The following KCND2 variants were observed in gnomAD, a reference collection of about 807,000 sequenced individuals.
The protein encoded by KCND2 is A-type voltage-gated potassium channel KCND2.
In KCND2, 16 loss-of-function variants were observed where a neutral mutation model predicts 54.4. That is an observed-to-expected ratio of 0.29 (90% confidence interval 0.20 to 0.45). KCND2 has a LOEUF of 0.45. Ranked by LOEUF, KCND2 falls within the 20% of genes least tolerant of loss-of-function variation. KCND2 has a pLI of 1.00. For synonymous variants in KCND2, 317 were observed against 310.7 expected (o/e 1.02, Z -0.21); for missense variants, 486 against 824.2 (o/e 0.59, Z 5.02).
intron 1 of KCND2, among the ~76,000 whole-genome samples, chr7:120,678,503 A>G (rs1792097563): frequency 6.8e-6 from 1 of 147,760 alleles, no homozygotes; most frequent in African/African-American, 2.5e-5. Flanking sequence ...ATACATATAA[A>G]TATTACATAT....
intron 1 of KCND2, among the ~76,000 whole-genome samples, chr7:120,712,988 C>T (rs142661668): frequency 6.5e-4 from 99 of 152,266 alleles, no homozygotes; most frequent in Non-Finnish European, 1.0e-3. Flanking sequence ...GTCATGCCCA[C>T]GTAGCCCTTG....
At chr7:120,633,356 C>G (rs988820666) in intron 1 of KCND2, among the ~76,000 whole-genome samples, 5 of 152,066 alleles carry the variant, frequency 3.3e-5, no homozygotes, top group African/African-American at 1.2e-4. Context: ...AAACACATTT[C>G]AAGAATGGAC....
chr7:120,591,798 T>C (rs1310697265), intron 1 of KCND2, among the ~76,000 whole-genome samples: 1 of 152,212 alleles, frequency 6.6e-6, no homozygotes, highest in Non-Finnish European at 1.5e-5. Context: ...CAAGTAAAAG[T>C]GTGGTACTTG....
intron 1 of KCND2, among the ~76,000 whole-genome samples, chr7:120,310,669 C>T (rs80317334): frequency 0.037 from 5,596 of 151,980 alleles, 163 homozygotes; most frequent in South Asian, 0.093. Flanking sequence ...TGTGGTGGCT[C>T]ACGTGGTGGC....
At chr7:120,735,560 T>C (rs779738837) in intron 2 of KCND2, among the ~76,000 whole-genome samples, 11 of 152,074 alleles carry the variant, frequency 7.2e-5, no homozygotes, top group Non-Finnish European at 1.5e-4. Flanking sequence ...AAGAAATCAA[T>C]AAAGAAAACC....
intron 1 of KCND2, among the ~76,000 whole-genome samples, chr7:120,343,584 G>A (rs760475288): frequency 1.3e-5 from 2 of 152,184 alleles, no homozygotes; most frequent in Non-Finnish European, 2.9e-5. Context: ...TATGCAGATA[G>A]CAAAGGTAAG....
chr7:120,705,323 C>T (rs1471437948), intron 1 of KCND2, among the ~76,000 whole-genome samples: 2 of 152,062 alleles, frequency 1.3e-5, no homozygotes, highest in South Asian at 2.1e-4. Flanking sequence ...ATCATGTGCT[C>T]AATATGATGT....
intron 3 of KCND2, 176 bp from the exon 4 acceptor site, chr7:120,742,334 A>G (rs1792952160): frequency 1.6e-6 from 1 of 620,298 alleles, no homozygotes; most frequent in Non-Finnish European, 2.9e-6. Flanking sequence ...CATTTGATGA[A>G]ATTGTAAATG....
Position 120,288,410 on chromosome 7 carries a change from G to C in KCND2, c.1115+12663G>C, listed in dbSNP as rs183573340. ...AAGATAATTTTTAATCACATGTAAG[G>C]GATTTCAAATGTGCAGGACCTAAAG... On this transcript the variant is annotated intron_variant, in intron 1 of 5. Transcript: ENST00000331113. Among the ~76,000 whole-genome samples the C allele has an allele frequency of 3.6e-3, 547 of 152,104 alleles. 6 individuals carry two copies. Among genetic ancestry groups the C allele is most frequent in the Middle Eastern group, 0.024 (7 of 294 alleles).
chr7:120,278,562 T>C (rs2116250389), intron 1 of KCND2, among the ~76,000 whole-genome samples: 1 of 151,550 alleles, frequency 6.6e-6, no homozygotes, highest in East Asian at 1.9e-4. Flanking sequence ...AGCTTTGTCA[T>C]TCAGGACTGG....
At chr7:120,588,657 G>GAACA (rs1411490258) in intron 1 of KCND2, among the ~76,000 whole-genome samples, 5 of 152,074 alleles carry the variant, frequency 3.3e-5, no homozygotes, top group Non-Finnish European at 5.9e-5. Context: ...TGGGCTAAGG[G>GAACA]AACACAAGCT....
intron 1 of KCND2, among the ~76,000 whole-genome samples, chr7:120,627,188 G>A (rs1427781574): frequency 7.0e-6 from 1 of 142,248 alleles, no homozygotes; most frequent in Non-Finnish European, 1.5e-5. Flanking sequence ...GTCCAGCATT[G>A]TGCTCGTCGT....
At chr7:120,618,277 C>A (rs1419158649) in intron 1 of KCND2, among the ~76,000 whole-genome samples, 4 of 149,350 alleles carry the variant, frequency 2.7e-5, no homozygotes, top group Non-Finnish European at 5.9e-5. Context: ...TAATTACACA[C>A]CTGTATACAA....
chr7:120,314,964 A>G (rs1201463295), intron 1 of KCND2, among the ~76,000 whole-genome samples: 1 of 151,972 alleles, frequency 6.6e-6, no homozygotes, highest in African/African-American at 2.4e-5. Context: ...TTTTTTTTTA[A>G]AAGAAAGCAT....
intron 1 of KCND2, among the ~76,000 whole-genome samples, chr7:120,648,086 T>C (rs991673044): frequency 1.8e-4 from 28 of 152,180 alleles, no homozygotes; most frequent in African/African-American, 6.5e-4. Flanking sequence ...AAAAATAGGT[T>C]TTTCTGTCCT....
intron 1 of KCND2, among the ~76,000 whole-genome samples, chr7:120,435,036 T>TA (rs1254813562): frequency 2.0e-5 from 3 of 152,012 alleles, no homozygotes; most frequent in East Asian, 1.9e-4. Context: ...GAGGAAAATA[T>TA]AAAAAACCTA....
rs928667212 is a variant in KCND2 at position 120,323,455 on chromosome 7, C to T, written c.1115+47708C>T. 7.9e-5 allele frequency among the ~76,000 whole-genome samples: 12 copies of T among 151,384 alleles called. No individual in the cohort carries two copies. The East Asian group carries it at 2.1e-3, about 27-fold the overall frequency. ...CACTGCTATCCCTCCCCACTCCCCC[C>T]ACCCCACAACAGTCCCCAGAGTGTG... On this transcript the variant is annotated intron_variant, in intron 1 of 5. Transcript: ENST00000331113.
At chr7:120,673,287 C>T (rs1792017157) in intron 1 of KCND2, among the ~76,000 whole-genome samples, 2 of 152,236 alleles carry the variant, frequency 1.3e-5, no homozygotes, top group South Asian at 4.1e-4. Context: ...TCTTGAGCTC[C>T]AGATCCCTCA....
chr7:120,698,297 A>G (rs185893639), intron 1 of KCND2, among the ~76,000 whole-genome samples: 67 of 152,324 alleles, frequency 4.4e-4, no homozygotes, highest in Non-Finnish European at 6.9e-4. Context: ...GAGCATCTAT[A>G]GCAAATTACT....
Sources: gnomAD v4.1 joint callset for allele counts (sites outside exome capture counted in the v4.1 genomes callset) on GRCh38, gnomAD v4.1.1 for gene constraint, MANE v1.5 for transcripts, NCBI Gene and HGNC (gene_info 2026-07-23, HGNC 2026-07-21) for gene names.